CDK19: variants seen among roughly 807,000 people sequenced by gnomAD.
CDK19 encodes the protein cyclin dependent kinase 19.
A neutral mutation model predicts 68.3 loss-of-function variants in CDK19; 20 were observed. The ratio of observed to expected loss-of-function variants is 0.29; its 90% confidence interval spans 0.21 to 0.43. The LOEUF is 0.43. CDK19 is among the 20% of genes least tolerant of loss of function. The pLI is 1.00. For missense variants in CDK19, 339 were observed against 623.5 expected (o/e 0.54, Z 4.86); for synonymous variants, 221 against 222.8 (o/e 0.99, Z 0.07).
intron 2 of CDK19, among the ~76,000 whole-genome samples, chr6:110,714,324 C>T (rs1191322847): frequency 6.6e-6 from 1 of 152,146 alleles, no homozygotes; most frequent in Non-Finnish European, 1.5e-5. Flanking sequence ...CTGATGGATA[C>T]GACAGTTATT....
intron 4 of CDK19, among the ~76,000 whole-genome samples, chr6:110,657,679 T>C (rs892057598): frequency 4.6e-5 from 7 of 152,236 alleles, no homozygotes; most frequent in African/African-American, 1.7e-4. Flanking sequence ...AATTAGACCC[T>C]CTTAGTGACC....
At chr6:110,785,239 GA>G (rs941803287) in intron 1 of CDK19, among the ~76,000 whole-genome samples, 7 of 152,006 alleles carry the variant, frequency 4.6e-5, no homozygotes, top group African/African-American at 1.7e-4. Flanking sequence ...CTTCATTAGA[GA>G]TCATTGCTTG....
chr6:110,649,089 TA>T (rs552439613), intron 4 of CDK19, among the ~76,000 whole-genome samples: 34 of 146,774 alleles, frequency 2.3e-4, no homozygotes, highest in Admixed American at 4.1e-4. Context: ...TTCGATACAG[TA>T]AAAAAAAAAA....
At chr6:110,757,168 C>T (rs976704603) in intron 1 of CDK19, among the ~76,000 whole-genome samples, 2 of 152,184 alleles carry the variant, frequency 1.3e-5, no homozygotes, top group Non-Finnish European at 2.9e-5. Context: ...CTGCCCTAAA[C>T]CCCACTGGTT....
At chr6:110,779,514 T>C (rs1168491213) in intron 1 of CDK19, among the ~76,000 whole-genome samples, 1 of 152,182 alleles carries the variant, frequency 6.6e-6, no homozygotes, top group East Asian at 1.9e-4. Flanking sequence ...TTGTAACTCT[T>C]TGACTTTCCA....
At position 110,686,586 on chromosome 6, in the gene CDK19, T is replaced by C. The variant is rs941032391; in HGVS notation, c.205-16045A>G. Among the ~76,000 whole-genome samples the C allele has an allele frequency of 3.3e-5, 5 of 152,186 alleles. 1 individual carries two copies. The South Asian group carries it at 8.3e-4, about 25-fold the overall frequency. The stretch of plus-strand genomic sequence containing the variant: ...AACAAAGTAGAGACTCAACAAATTT[T>C]AGATGAGTAAATGAAAGTAACAGTA... On this transcript the variant is annotated intron_variant, in intron 2 of 12. Coordinates refer to ENST00000368911, the MANE Select transcript of CDK19 (RefSeq NM_015076.5).
intron 10 of CDK19, among the ~76,000 whole-genome samples, 158 bp from the exon 11 acceptor site, chr6:110,622,324 T>C (rs569257560): frequency 1.3e-5 from 2 of 152,244 alleles, no homozygotes; most frequent in Admixed American, 6.5e-5. Context: ...AGTTGACATA[T>C]AGGACACAGA....
chr6:110,628,207 T>A (rs1345040890), intron 6 of CDK19, among the ~76,000 whole-genome samples: 1 of 152,062 alleles, frequency 6.6e-6, no homozygotes, highest in Non-Finnish European at 1.5e-5. Context: ...TGAAACACCA[T>A]CTTGGAAAAA....
At position 110,621,664 on chromosome 6, in the gene CDK19, T is replaced by G. The variant is rs1778726276; in HGVS notation, c.1111-294A>C. Among the ~76,000 whole-genome samples the G allele has an allele frequency of 1.3e-5, 2 of 152,234 alleles. No individual in the cohort carries two copies. The highest frequency in any genetic ancestry group is 4.8e-5 in the African/African-American group (2 of 41,462). Reference sequence around the variant, plus strand: ...GGCCACAGGCACATTAGAAATACATTTCTTATAGCTCATTAAAACAGCTAG... The same window carrying G: ...GGCCACAGGCACATTAGAAATACATGTCTTATAGCTCATTAAAACAGCTAG... On this transcript the variant is annotated intron_variant, in intron 11 of 12. Coordinates refer to ENST00000368911, the MANE Select transcript of CDK19 (RefSeq NM_015076.5). This position sits in a 1 kb window ranked among gnomAD's most constrained non-coding sequence, Gnocchi z 5.4.
chr6:110,627,148 GGGAA>G lies in CDK19; in HGVS notation c.647-7_647-4del, dbSNP rs1169231615. ...TATACAACCTATTGCCCATATATCTGGGAAGGAAGAAACATAAGTTTTTGTATAT... is the reference window on the plus strand; with the variant it reads ...TATACAACCTATTGCCCATATATCTGGGAAGAAACATAAGTTTTTGTATAT... On this transcript the variant is annotated splice_region_variant and splice_polypyrimidine_tract_variant and intron_variant, in intron 6 of 12. Transcript: ENST00000368911. The G allele has an allele frequency of 6.3e-7, 1 of 1,598,002 alleles. No homozygotes were observed. Among genetic ancestry groups the G allele is most frequent in the African/African-American group, 1.3e-5 (1 of 74,470 alleles).
Position 110,645,488 on chromosome 6 carries a change from A to G in CDK19, c.457-6782T>C, listed in dbSNP as rs148977077. Among the ~76,000 whole-genome samples the G allele has an allele frequency of 9.2e-3, 1,396 of 152,330 alleles. 25 individuals carry two copies. The highest frequency in any genetic ancestry group is 0.03 in the African/African-American group (1,264 of 41,560). On this transcript the variant is annotated intron_variant, in intron 4 of 12. Coordinates refer to ENST00000368911, the MANE Select transcript of CDK19 (RefSeq NM_015076.5). ...CTGAGAATAATGAGTTATGTGCTCA[A>G]TAAGTTTAAAAAATAGAGAAAGAGA...
intron 4 of CDK19, among the ~76,000 whole-genome samples, chr6:110,647,117 C>G (rs60080465): frequency 6.6e-5 from 10 of 152,130 alleles, no homozygotes; most frequent in South Asian, 2.1e-4. Flanking sequence ...TCTATCACCC[C>G]CAAAGGAAAA....
At chr6:110,634,822 A>T (rs367918507) in intron 5 of CDK19, among the ~76,000 whole-genome samples, 1 of 152,234 alleles carries the variant, frequency 6.6e-6, no homozygotes, top group Non-Finnish European at 1.5e-5. Context: ...AAAACATTCT[A>T]AAGTAAAGTT....
intron 6 of CDK19, among the ~76,000 whole-genome samples, chr6:110,631,239 T>A (rs535165138): frequency 6.6e-6 from 1 of 152,250 alleles, no homozygotes; most frequent in Admixed American, 6.5e-5. Flanking sequence ...GAAATTTGGA[T>A]ACCTTGTAGA....
chr6:110,803,938 C>A (rs896354285), intron 1 of CDK19, among the ~76,000 whole-genome samples: 1 of 151,980 alleles, frequency 6.6e-6, no homozygotes, highest in Non-Finnish European at 1.5e-5. Context: ...CACTTTCAGC[C>A]TGGGTGACAA....
intron 1 of CDK19, among the ~76,000 whole-genome samples, chr6:110,788,088 C>T (rs950134477): frequency 6.6e-6 from 1 of 152,082 alleles, no homozygotes; most frequent in Non-Finnish European, 1.5e-5. Context: ...GATCTGCCCA[C>T]CTCGGCCTCC....
chr6:110,769,363 G>A (rs1036154127), intron 1 of CDK19, among the ~76,000 whole-genome samples: 1 of 151,576 alleles, frequency 6.6e-6, no homozygotes, highest in African/African-American at 2.4e-5. Context: ...TCCGGAGTTC[G>A]AGACCAGCCT....
At chr6:110,616,274 C>G (rs1778308057) in intron 12 of CDK19, among the ~76,000 whole-genome samples, 1 of 152,112 alleles carries the variant, frequency 6.6e-6, no homozygotes, top group Admixed American at 6.5e-5. Context: ...TAGGAAAGAA[C>G]AGATCAGCAA....
At chr6:110,682,474 T>C (rs1316244040) in intron 2 of CDK19, among the ~76,000 whole-genome samples, 4 of 152,158 alleles carry the variant, frequency 2.6e-5, no homozygotes, top group Admixed American at 6.5e-5. Flanking sequence ...CGACAGGCCT[T>C]TTGGAAGCTG....
Sources: gnomAD v4.1 joint callset for allele counts (sites outside exome capture counted in the v4.1 genomes callset) on GRCh38, gnomAD v4.1.1 for gene constraint, Gnocchi (gnomAD v3.1) non-coding constraint, MANE v1.5 for transcripts, NCBI Gene and HGNC (gene_info 2026-07-23, HGNC 2026-07-21) for gene names.